The following CSMD1 variants were observed in gnomAD, a reference collection of about 807,000 sequenced individuals.
CSMD1 encodes CUB and Sushi multiple domains 1.
CSMD1 carries 213 observed loss-of-function variants against 417.5 expected under a neutral mutation model. The observed-to-expected ratio is 0.51, with a 90% CI of 0.46 to 0.57. The LOEUF (loss-of-function observed/expected upper bound fraction) is 0.57, where lower values mean the gene tolerates loss of function less well. Among genes scored for constraint, CSMD1 ranks in the 20% least tolerant of loss-of-function variants. The pLI, the probability that CSMD1 is intolerant of heterozygous loss-of-function variation, is 0.00. For synonymous variants in CSMD1, 2,862 were observed against 1,736.8 expected (o/e 1.65, Z -16.11); for missense variants, 6,923 against 4,529.7 (o/e 1.53, Z -15.17).
At chr8:3,915,009 G>T (rs1808718175) in intron 5 of CSMD1, among the ~76,000 whole-genome samples, 2 of 152,140 alleles carry the variant, frequency 1.3e-5, no homozygotes, top group Non-Finnish European at 1.5e-5. Flanking sequence ...ACATACAAGT[G>T]TTCAGGATGA....
intron 7 of CSMD1, among the ~76,000 whole-genome samples, chr8:3,680,279 T>C (rs542753874): frequency 3.9e-5 from 6 of 152,084 alleles, no homozygotes; most frequent in Non-Finnish European, 5.9e-5. Context: ...ACAAAATTGA[T>C]AGACCACTAG....
At chr8:4,622,361 T>C (rs1017195479) in intron 2 of CSMD1, among the ~76,000 whole-genome samples, 3 of 151,966 alleles carry the variant, frequency 2.0e-5, no homozygotes, top group Non-Finnish European at 2.9e-5. Flanking sequence ...CTCCACACAG[T>C]CCAGCACGAG....
chr8:4,490,559 G>C (rs1221301167), intron 2 of CSMD1, among the ~76,000 whole-genome samples: 2 of 152,150 alleles, frequency 1.3e-5, no homozygotes, highest in Non-Finnish European at 2.9e-5. Flanking sequence ...CTAAGGATAT[G>C]AGATGCAGAA....
At chr8:4,216,205 C>T (rs1166507442) in intron 3 of CSMD1, among the ~76,000 whole-genome samples, 1 of 152,122 alleles carries the variant, frequency 6.6e-6, no homozygotes, top group African/African-American at 2.4e-5. Flanking sequence ...TTGCGATGGC[C>T]TTCTTCCTTC....
At chr8:4,118,159 C>T (rs1034299460) in intron 3 of CSMD1, among the ~76,000 whole-genome samples, 1 of 151,936 alleles carries the variant, frequency 6.6e-6, no homozygotes, top group Non-Finnish European at 1.5e-5. Context: ...TCAGTGGGAG[C>T]AGAGGGGTGT....
At chr8:4,755,018 A>G (rs1811579811) in intron 1 of CSMD1, among the ~76,000 whole-genome samples, 1 of 150,620 alleles carries the variant, frequency 6.6e-6, no homozygotes, top group African/African-American at 2.4e-5. Flanking sequence ...TGTGCCTGTG[A>G]TCCCAGCTAC....
chr8:4,289,051 A>G (rs539589911), intron 3 of CSMD1, among the ~76,000 whole-genome samples: 7 of 152,186 alleles, frequency 4.6e-5, no homozygotes, highest in Non-Finnish European at 8.8e-5. Context: ...ATGAGCATAA[A>G]AACAGTGCAC....
At chr8:4,176,067 G>C (rs73510854) in intron 3 of CSMD1, among the ~76,000 whole-genome samples, 5,213 of 152,134 alleles carry the variant, frequency 0.034, 324 homozygotes, top group African/African-American at 0.12. Flanking sequence ...GTGTGACTTA[G>C]ATGTGGAACC....
rs568730957 is a variant in CSMD1, at chr8:3,471,459, A to G, written c.1449-2635T>C. ...GTATTAGTTGCAGGGCTTTCTATAT[A>G]TCAAGTTTGGAATCTGGCTTAGTTC... On this transcript the variant is annotated intron_variant, in intron 11 of 69. Transcript: ENST00000635120. 1.1e-4 allele frequency among the ~76,000 whole-genome samples: 17 copies of G among 152,260 alleles called. 1 individual carries two copies. The South Asian group carries it at 3.5e-3, about 32-fold the overall frequency.
At chr8:3,068,625 C>T (rs1333153256) in intron 49 of CSMD1, among the ~76,000 whole-genome samples, 1 of 152,124 alleles carries the variant, frequency 6.6e-6, no homozygotes, top group Non-Finnish European at 1.5e-5. Context: ...TCTGGGGAGG[C>T]CTTAGGAATC....
chr8:4,913,684 A>G (rs777891204), intron 1 of CSMD1, among the ~76,000 whole-genome samples: 1 of 152,126 alleles, frequency 6.6e-6, no homozygotes, highest in Non-Finnish European at 1.5e-5. Flanking sequence ...TTCCATCTTC[A>G]TGCTTTTCCT....
At chr8:4,412,923 A>C (rs977290904) in intron 3 of CSMD1, among the ~76,000 whole-genome samples, 2 of 152,340 alleles carry the variant, frequency 1.3e-5, no homozygotes, top group Non-Finnish European at 1.5e-5. Flanking sequence ...AGATAAAAGA[A>C]AAGTTGACGC....
At chr8:3,036,460 T>C (rs940165301) in intron 50 of CSMD1, among the ~76,000 whole-genome samples, 4 of 152,226 alleles carry the variant, frequency 2.6e-5, no homozygotes, top group Non-Finnish European at 4.4e-5. Flanking sequence ...CCAACTTTAA[T>C]TGAAGCACAT....
chr8:4,284,608 G>C (rs1310868202), intron 3 of CSMD1, among the ~76,000 whole-genome samples: 3 of 152,142 alleles, frequency 2.0e-5, no homozygotes, highest in Non-Finnish European at 2.9e-5. Flanking sequence ...GTCAGGCAAA[G>C]ATGGTAAAAC....
intron 26 of CSMD1, among the ~76,000 whole-genome samples, chr8:3,264,517 A>T (rs1027715488): frequency 1.3e-5 from 2 of 152,206 alleles, no homozygotes; most frequent in African/African-American, 4.8e-5. Flanking sequence ...TGAGAACTGC[A>T]CACTGAATCA....
At chr8:3,414,634 T>C (rs1436737799) in intron 12 of CSMD1, among the ~76,000 whole-genome samples, 1 of 152,182 alleles carries the variant, frequency 6.6e-6, no homozygotes, top group Non-Finnish European at 1.5e-5. Flanking sequence ...AACTTTGTTC[T>C]TAGTCCAGAT....
At position 3,700,838 on chromosome 8, in the gene CSMD1, C is replaced by G. The variant is rs552975986; in HGVS notation, c.1009+7576G>C. On this transcript the variant is annotated intron_variant, in intron 7 of 69. Transcript: ENST00000635120. The stretch of plus-strand genomic sequence containing the variant: ...TGGGTCTTCATAAGGAATTTGGACT[C>G]GTTCTGCCTGTGACGGGAAACGTTT... 3.3e-5 allele frequency among the ~76,000 whole-genome samples: 5 copies of G among 152,138 alleles called. No individual in the cohort carries two copies. The South Asian group carries it at 8.3e-4, about 25-fold the overall frequency.
chr8:3,977,248 A>C (rs12675713), intron 5 of CSMD1, among the ~76,000 whole-genome samples: 13,546 of 152,086 alleles, frequency 0.089, 712 homozygotes, highest in African/African-American at 0.14. Flanking sequence ...CATTCCACCT[A>C]TGATAATTTC....
rs577802024 is a variant in CSMD1 at position 4,461,123 on chromosome 8, T to C, written c.303-41058A>G. Among the ~76,000 whole-genome samples, 37 of 150,900 alleles carry C rather than the reference T, an allele frequency of 2.5e-4. No individual in the cohort carries two copies. In the South Asian group the frequency reaches 7.8e-3, roughly 32 times the overall value. ...GGCTTAGCATCTGAAAATCTAACAC[T>C]GTGCCATAACAATAAAATAAAGTCA... On this transcript the variant is annotated intron_variant, in intron 2 of 69. Coordinates refer to ENST00000635120, the MANE Select transcript of CSMD1 (RefSeq NM_033225.6).
Sources: gnomAD v4.1 joint callset for allele counts (sites outside exome capture counted in the v4.1 genomes callset) on GRCh38, gnomAD v4.1.1 for gene constraint, MANE v1.5 for transcripts, NCBI Gene and HGNC (gene_info 2026-07-23, HGNC 2026-07-21) for gene names.